Variants in NUDCD3 observed in about 807,000 individuals in gnomAD.
The protein encoded by NUDCD3 is NudC domain containing 3.
Under a neutral mutation model 39.7 loss-of-function variants are expected in NUDCD3, and 13 were observed. The observed-to-expected ratio is 0.33, with a 90% CI of 0.21 to 0.52. The LOEUF (loss-of-function observed/expected upper bound fraction) is 0.52, where lower values mean the gene tolerates loss of function less well. Ranked by LOEUF, NUDCD3 falls within the 20% of genes least tolerant of loss-of-function variation. The pLI is 0.96. For synonymous variants in NUDCD3, 175 were observed against 172.4 expected, an observed-to-expected ratio of 1.02 and a Z score of -0.12; for missense variants, 453 against 458.1, an observed-to-expected ratio of 0.99 and a Z score of 0.10.
intron 5 of NUDCD3, among the ~76,000 whole-genome samples, chr7:44,387,970 A>G (rs527776756): frequency 6.6e-6 from 1 of 152,360 alleles, no homozygotes; most frequent in East Asian, 1.9e-4. Context: ...GCACCTGTAC[A>G]TTCCACATTC....
chr7:44,458,969 TGTGTGTGTGTG>T (rs1331149440), intron 2 of NUDCD3, among the ~76,000 whole-genome samples: 11 of 149,708 alleles, frequency 7.3e-5, no homozygotes, highest in African/African-American at 2.7e-4. Flanking sequence ...TGTGTGTGTG[TGTGTGTGTGTG>T]GTGATGTGTA....
intron 2 of NUDCD3, among the ~76,000 whole-genome samples, chr7:44,459,829 CA>C (rs1183048137): frequency 2.6e-5 from 4 of 152,166 alleles, no homozygotes; most frequent in Admixed American, 2.6e-4. Context: ...AAGCCACCAA[CA>C]ATAGAATGAT....
intron 2 of NUDCD3, among the ~76,000 whole-genome samples, chr7:44,432,710 TCTTAACTACATTGCC>T (rs1438753377): frequency 9.8e-5 from 15 of 152,344 alleles, no homozygotes; most frequent in African/African-American, 1.4e-4. Flanking sequence ...ATGTTCACAC[TCTTAACTACATTGCC>T]CTTAACTACA....
intron 2 of NUDCD3, among the ~76,000 whole-genome samples, chr7:44,444,782 T>G (rs1191041568): frequency 6.6e-6 from 1 of 152,144 alleles, no homozygotes; most frequent in African/African-American, 2.4e-5. Context: ...GCCTCATGCC[T>G]CACTCTTCCT....
chr7:44,452,264 G>A lies in NUDCD3; in HGVS notation c.510-24561C>T, dbSNP rs1446213404. Among the ~76,000 whole-genome samples, 8 of 152,282 alleles carry A rather than the reference G, an allele frequency of 5.3e-5. No individual in the cohort carries two copies. The East Asian group carries it at 1.5e-3, about 29-fold the overall frequency. The stretch of plus-strand genomic sequence containing the variant: ...TCAAAACCAGTCTAGCCAACATGGC[G>A]AAAACCCACCTCTACAAAAATATAA... On this transcript the variant is annotated intron_variant, in intron 2 of 5. Transcript: ENST00000355451.
intron 2 of NUDCD3, among the ~76,000 whole-genome samples, chr7:44,456,733 G>A (rs960878041): frequency 6.0e-5 from 9 of 151,218 alleles, no homozygotes; most frequent in Non-Finnish European, 1.2e-4. Context: ...TACAGCCTGC[G>A]TGATAGAGCA....
intron 2 of NUDCD3, among the ~76,000 whole-genome samples, chr7:44,461,315 T>C (rs1015442978): frequency 3.3e-5 from 5 of 152,236 alleles, no homozygotes; most frequent in Admixed American, 6.5e-5. Flanking sequence ...TGTGAGCCCC[T>C]TGAGCATCTC....
At chr7:44,435,424 A>G (rs1052789333) in intron 2 of NUDCD3, among the ~76,000 whole-genome samples, 1 of 152,220 alleles carries the variant, frequency 6.6e-6, no homozygotes. Context: ...AAGACGGGAC[A>G]ATCAGAAATA....
Position 44,485,296 on chromosome 7 carries a change from C to G in NUDCD3, c.193-12G>C. 2 of 1,594,398 alleles carry G rather than the reference C, an allele frequency of 1.3e-6. No individual in the cohort carries two copies. The highest frequency in any genetic ancestry group is 1.7e-6 in the Non-Finnish European group (2 of 1,167,686). On this transcript the variant is annotated splice_polypyrimidine_tract_variant and intron_variant, in intron 1 of 5. Coordinates refer to ENST00000355451, the MANE Select transcript of NUDCD3 (RefSeq NM_015332.4). ...AAGGTTTTGAATACCTAAAATCAAA[C>G]ACCAATCCAGCAATCAGTTCATCTG...
rs1010603455 is a variant in NUDCD3 at position 44,490,324 on chromosome 7, C to A, written c.192+85G>T. ...GACACCAGGAAAAGGAGGAAACAGG[C>A]TGGGAGAGCTTGGAGGAGCGGGCGC... is the stretch of plus-strand genomic sequence containing the variant. On this transcript the variant is annotated intron_variant, in intron 1 of 5. Coordinates refer to ENST00000355451, the MANE Select transcript of NUDCD3 (RefSeq NM_015332.4). 1.2e-5 allele frequency: 16 copies of A among 1,300,834 alleles called. No homozygotes were observed. In the Admixed American group the frequency reaches 1.8e-4, roughly 14 times the overall value. 80.6% of individuals were successfully genotyped at this position (1,300,834 alleles called of 1,614,324 possible).
chr7:44,391,350 T>C (rs1055074181), intron 5 of NUDCD3, among the ~76,000 whole-genome samples: 3 of 151,874 alleles, frequency 2.0e-5, no homozygotes, highest in South Asian at 2.1e-4. Flanking sequence ...TCTGTGAAAA[T>C]AGGCAAGAAC....
At chr7:44,442,202 C>A (rs928312087) in intron 2 of NUDCD3, among the ~76,000 whole-genome samples, 1 of 152,174 alleles carries the variant, frequency 6.6e-6, no homozygotes, top group Non-Finnish European at 1.5e-5. Context: ...ATATTGTTAT[C>A]ATCAAAGAGG....
chr7:44,483,916 G>A (rs531650941), intron 2 of NUDCD3, among the ~76,000 whole-genome samples: 1 of 152,332 alleles, frequency 6.6e-6, no homozygotes, highest in African/African-American at 2.4e-5. Flanking sequence ...GCTGAGGCGA[G>A]AGGATTGCTG....
intron 2 of NUDCD3, among the ~76,000 whole-genome samples, chr7:44,449,937 G>A (rs73105380): frequency 6.7e-6 from 1 of 149,860 alleles, no homozygotes; most frequent in Non-Finnish European, 1.5e-5. Context: ...AGAAAATGAA[G>A]ACAATCCAAA....
chr7:44,467,826 A>G (rs1800151356), intron 2 of NUDCD3: 2 of 1,122,164 alleles, frequency 1.8e-6, no homozygotes, highest in South Asian at 1.4e-5. Flanking sequence ...GTAAAAAAAA[A>G]AAAAAGAAAA....
chr7:44,427,256 C>G (rs141568299), intron 3 of NUDCD3, among the ~76,000 whole-genome samples: 1 of 152,210 alleles, frequency 6.6e-6, no homozygotes, highest in African/African-American at 2.4e-5. Flanking sequence ...CAATAGGAAC[C>G]CCAGGAGAGT....
intron 2 of NUDCD3, among the ~76,000 whole-genome samples, chr7:44,456,025 C>CAAAAAAA (rs1233592095): frequency 2.8e-4 from 8 of 28,494 alleles, no homozygotes; most frequent in Non-Finnish European, 3.4e-4. Flanking sequence ...GACTCCGTCT[C>CAAAAAAA]AAAAAAAAAA....
intron 1 of NUDCD3, among the ~76,000 whole-genome samples, chr7:44,487,973 T>TA (rs1023645290): frequency 9.7e-5 from 14 of 144,590 alleles, no homozygotes; most frequent in Non-Finnish European, 1.5e-4. Context: ...AATAAAAAAA[T>TA]AAAAAAAAGA....
At chr7:44,472,693 A>G (rs1412185446) in intron 2 of NUDCD3, among the ~76,000 whole-genome samples, 1 of 152,260 alleles carries the variant, frequency 6.6e-6, no homozygotes, top group Non-Finnish European at 1.5e-5. Flanking sequence ...TTGTAGATAC[A>G]AAGAATGGAA....
Sources: gnomAD v4.1 joint callset for allele counts (sites outside exome capture counted in the v4.1 genomes callset) on GRCh38, gnomAD v4.1.1 for gene constraint, MANE v1.5 for transcripts, NCBI Gene and HGNC (gene_info 2026-07-23, HGNC 2026-07-21) for gene names.